The following CLYBL variants were observed in gnomAD, a reference collection of about 807,000 sequenced individuals.
The protein encoded by CLYBL is citramalyl-CoA lyase, mitochondrial.
In CLYBL, 31 loss-of-function variants were observed where a neutral mutation model predicts 38.9. The observed-to-expected ratio is 0.80, with a 90% CI of 0.60 to 1.08. The LOEUF (loss-of-function observed/expected upper bound fraction) is 1.08, where lower values mean the gene tolerates loss of function less well. Ranked by LOEUF, CLYBL falls within the 50% of genes least tolerant of loss-of-function variation. The pLI is 0.00. For synonymous variants in CLYBL, 171 were observed against 158.6 expected (o/e 1.08, Z -0.59); for missense variants, 434 against 411.6 (o/e 1.05, Z -0.47).
At chr13:99,684,459 A>C (rs530963744) in intron 1 of CLYBL, among the ~76,000 whole-genome samples, 4 of 152,136 alleles carry the variant, frequency 2.6e-5, no homozygotes, top group Non-Finnish European at 5.9e-5. Flanking sequence ...GTATCTAAAA[A>C]CAAACAAACA....
intron 1 of CLYBL, among the ~76,000 whole-genome samples, chr13:99,718,395 A>G (rs1053306697): frequency 4.0e-5 from 6 of 150,942 alleles, no homozygotes; most frequent in African/African-American, 1.2e-4. Context: ...AAAAACCTAG[A>G]GAGGGTTTTC....
At chr13:99,840,600 A>C (rs1010018195) in intron 2 of CLYBL, among the ~76,000 whole-genome samples, 1 of 151,908 alleles carries the variant, frequency 6.6e-6, no homozygotes, top group Non-Finnish European at 1.5e-5. Flanking sequence ...TCTACAAAAA[A>C]TTAGCCAGGC....
intron 7 of CLYBL, among the ~76,000 whole-genome samples, chr13:99,872,214 T>C (rs1361934854): frequency 6.6e-6 from 1 of 152,184 alleles, no homozygotes; most frequent in East Asian, 1.9e-4. Context: ...CAGGCTCATC[T>C]TTGTACAAAC....
At chr13:99,802,005 A>C (rs140324723) in intron 2 of CLYBL, among the ~76,000 whole-genome samples, 4,076 of 152,314 alleles carry the variant, frequency 0.027, 85 homozygotes, top group South Asian at 0.065. Flanking sequence ...AACAAGAGTG[A>C]AACTCCATCT....
chr13:99,771,601 A>C (rs986059264), intron 1 of CLYBL, among the ~76,000 whole-genome samples: 1 of 152,186 alleles, frequency 6.6e-6, no homozygotes, highest in Non-Finnish European at 1.5e-5. Context: ...TATGAGCTAA[A>C]GCATGGTTTT....
intron 1 of CLYBL, among the ~76,000 whole-genome samples, chr13:99,637,238 AC>A (rs1288918724): frequency 6.6e-6 from 1 of 152,150 alleles, no homozygotes; most frequent in Non-Finnish European, 1.5e-5. Context: ...CATTGTGCTC[AC>A]CCAAAGATGA....
intron 1 of CLYBL, among the ~76,000 whole-genome samples, chr13:99,653,828 T>C (rs1405296117): frequency 6.6e-6 from 1 of 152,224 alleles, no homozygotes; most frequent in African/African-American, 2.4e-5. Flanking sequence ...CTGGGTATGA[T>C]GGGCTGGACA....
chr13:99,901,607 GT>G (rs1201753435), downstream of CLYBL, among the ~76,000 whole-genome samples: 2 of 150,694 alleles, frequency 1.3e-5, no homozygotes, highest in African/African-American at 4.9e-5. Context: ...TGCTGCCAAA[GT>G]TGCTATTTCT....
At chr13:99,842,714 A>T (rs566349755) in intron 2 of CLYBL, among the ~76,000 whole-genome samples, 281 of 33,680 alleles carry the variant, frequency 8.3e-3, no homozygotes, top group Admixed American at 0.02. Context: ...CCTTTTTTTT[A>T]AAAAAAAAAG....
At chr13:99,636,481 T>A (rs965906002) in intron 1 of CLYBL, among the ~76,000 whole-genome samples, 2 of 152,138 alleles carry the variant, frequency 1.3e-5, no homozygotes, top group Non-Finnish European at 2.9e-5. Context: ...CAGTGCCTTC[T>A]GCACAGGTTC....
intron 1 of CLYBL, among the ~76,000 whole-genome samples, chr13:99,721,506 C>A (rs2048392268): frequency 6.6e-6 from 1 of 150,626 alleles, no homozygotes; most frequent in African/African-American, 2.4e-5. Flanking sequence ...ACTTTAAGTT[C>A]TAGGGTACAT....
In CLYBL at chr13:99,606,751, T is replaced by G; in HGVS notation, c.56T>G (p.Leu19Arg). Residue 19 changes from leucine to arginine, a missense_variant, in exon 1 of 9, where the codon CTG (leucine) becomes CGG (arginine). Leu to Arg is a moderately radical substitution (Grantham distance 102, BLOSUM62 -2). Transcript: ENST00000339105. The part of the protein sequence containing the change: ...AARGAAAAAL[L>R]RLKASLAADI... ...CGCGGAGCTGCGGCGGCGGCGCTGC[T>G]GAGGCTGTGAGTGCAGGTCCCCGTT... 6.8e-7 allele frequency: 1 copy of G among 1,476,726 alleles called. No individual in the cohort carries two copies. Among genetic ancestry groups the G allele is most frequent in the Non-Finnish European group, 8.9e-7 (1 of 1,119,000 alleles). The allele number at this position is 1,476,726 out of a possible 1,614,324, so 91.5% of individuals were successfully genotyped here. A position where few individuals can be genotyped will look rare whatever the true frequency, so the allele number is the denominator to read the frequency against.
At chr13:99,694,428 G>T (rs988703373) in intron 1 of CLYBL, among the ~76,000 whole-genome samples, 1 of 152,214 alleles carries the variant, frequency 6.6e-6, no homozygotes, top group East Asian at 1.9e-4. Context: ...CAGATGGCCA[G>T]AGTGTTTCCA....
intron 2 of CLYBL, among the ~76,000 whole-genome samples, chr13:99,824,220 A>C (rs1166816130): frequency 2.6e-5 from 4 of 151,646 alleles, no homozygotes; most frequent in African/African-American, 9.7e-5. Context: ...TTTTTGGTCT[A>C]ATTTTTTCTA....
At chr13:99,717,336 G>A (rs1453079848) in intron 1 of CLYBL, among the ~76,000 whole-genome samples, 1 of 141,926 alleles carries the variant, frequency 7.0e-6, no homozygotes, top group East Asian at 2.4e-4. Flanking sequence ...TGAGGCAGGA[G>A]AATTGCTAGA....
chr13:99,827,453 A>G (rs576960809), intron 2 of CLYBL, among the ~76,000 whole-genome samples: 1 of 152,246 alleles, frequency 6.6e-6, no homozygotes, highest in South Asian at 2.1e-4. Flanking sequence ...GTCACACAAA[A>G]AAGTCCCCAG....
downstream of CLYBL, chr13:99,894,718 C>CGTA (rs2052550638): frequency 8.0e-6 from 1 of 125,048 alleles, no homozygotes; most frequent in African/African-American, 3.3e-5. Flanking sequence ...CTTTATTCCC[C>CGTA]TAATACCTTG....
At chr13:99,738,372 T>A (rs567591202) in intron 1 of CLYBL, among the ~76,000 whole-genome samples, 1 of 152,342 alleles carries the variant, frequency 6.6e-6, no homozygotes, top group South Asian at 2.1e-4. Flanking sequence ...AGGGGACAGA[T>A]GGTGGCTATG....
chr13:99,846,292 T>TA (rs1263699115), intron 2 of CLYBL, among the ~76,000 whole-genome samples: 9 of 129,508 alleles, frequency 6.9e-5, no homozygotes, highest in African/African-American at 3.4e-4. Context: ...GGAGATTTTT[T>TA]TTTTTTTTTT....
Sources: gnomAD v4.1 joint callset for allele counts (sites outside exome capture counted in the v4.1 genomes callset) on GRCh38, gnomAD v4.1.1 for gene constraint, MANE v1.5 for transcripts, NCBI Gene and HGNC (gene_info 2026-07-23, HGNC 2026-07-21) for gene names.